The following VARS1 variants were observed in gnomAD, a reference collection of about 807,000 sequenced individuals.
VARS1 encodes valine--tRNA ligase.
VARS1 carries 92 observed loss-of-function variants against 161.0 expected under a neutral mutation model. The observed-to-expected ratio is 0.57, with a 90% confidence interval of 0.48 to 0.68. The LOEUF is 0.68. Among genes scored for constraint, VARS1 ranks in the 30% least tolerant of loss-of-function variants. The probability of loss-of-function intolerance (pLI) is 0.00; values close to 1 mark genes in which losing one functional copy is unlikely to be tolerated. For missense variants in VARS1, 1,338 were observed against 1,695.9 expected, an observed-to-expected ratio of 0.79 and a Z score of 3.71; for synonymous variants, 595 against 682.5, an observed-to-expected ratio of 0.87 and a Z score of 2.00.
chr6:31,778,522 T>G lies in VARS1; in HGVS notation c.3726+445A>C, dbSNP rs376909809. ...ATTGGTTTTTGTTTTGTTTTGTTTT[T>G]TTTCCAGACAGGGTCTTCTCTCTGT... On this transcript the variant is annotated intron_variant, in intron 29 of 29. Coordinates refer to ENST00000375663, the MANE Select transcript of VARS1 (RefSeq NM_006295.3). This position sits in a 1 kb window ranked among gnomAD's most constrained non-coding sequence, Gnocchi z 5.1. Among the ~76,000 whole-genome samples the G allele has an allele frequency of 9.2e-5, 14 of 152,140 alleles. No homozygotes were observed. The highest frequency in any genetic ancestry group is 1.8e-4 in the Non-Finnish European group (12 of 68,016).
Position 31,792,225 on chromosome 6 carries a change from TC to T in VARS1, c.862del (p.Glu288LysfsTer51). ...CTTCCCACTCCTAGTACCTTTCTTT[TC>T]CCCGGGTGGGGTTGGGAGGTCATAG... is the stretch of plus-strand genomic sequence containing the variant. ...ITYDLPTPPG[E>X]KKDVSGPMPD... On this transcript the variant is annotated frameshift_variant, in exon 6 of 30. Coordinates refer to ENST00000375663, the MANE Select transcript of VARS1 (RefSeq NM_006295.3). LOFTEE classifies it high-confidence loss of function. The T allele has an allele frequency of 1.9e-6, 3 of 1,613,778 alleles. No individual in the cohort carries two copies. Among genetic ancestry groups the T allele is most frequent in the Non-Finnish European group, 2.5e-6 (3 of 1,179,984 alleles).
intron 8 of VARS1, among the ~76,000 whole-genome samples, chr6:31,788,906 C>T (rs1349778632): frequency 6.6e-6 from 1 of 151,554 alleles, no homozygotes; most frequent in African/African-American, 2.4e-5. Context: ...ACATTATATT[C>T]CCAGTGCTCA....
In VARS1 at chr6:31,785,119, C is replaced by A; in HGVS notation, c.1347+127G>T. On this transcript the variant is annotated intron_variant, in intron 10 of 29. Coordinates refer to ENST00000375663, the MANE Select transcript of VARS1 (RefSeq NM_006295.3). This position sits in a 1 kb window ranked among gnomAD's most constrained non-coding sequence, Gnocchi z 6.1. The stretch of plus-strand genomic sequence containing the variant: ...GTGGGAAGTGGCATTTGCAGCTGAG[C>A]CCTCCATGGTGTTTTACATGGGCCA... 1 of 1,070,992 alleles carries A rather than the reference C, an allele frequency of 9.3e-7. No homozygotes were observed. The highest frequency in any genetic ancestry group is 1.4e-6 in the Non-Finnish European group (1 of 726,030). 66.3% of individuals were successfully genotyped at this position (1,070,992 alleles called of 1,614,324 possible). A position where few individuals can be genotyped will look rare whatever the true frequency, so the allele number is the denominator to read the frequency against.
Position 31,782,324 on chromosome 6 carries a change from G to A in VARS1, c.2111C>T (p.Ala704Val), listed in dbSNP as rs1394009242. ...TRGDLRILPE[A>V]HQRTWHAWMD... The stretch of plus-strand genomic sequence containing the variant: ...CCAGGCATGCCATGTGCGCTGATGG[G>A]CCTCAGGCAGGATGCGGAGGTCACC... Residue 704 changes from alanine to valine, a missense_variant, in exon 17 of 30, where the codon GCC becomes GTC. Coordinates refer to ENST00000375663, the MANE Select transcript of VARS1 (RefSeq NM_006295.3). This position sits in a 1 kb window ranked among gnomAD's most constrained non-coding sequence, Gnocchi z 8.3. 10 of 1,613,002 alleles carry A rather than the reference G, an allele frequency of 6.2e-6. No homozygotes were observed. Among genetic ancestry groups the A allele is most frequent in the Non-Finnish European group, 8.5e-6 (10 of 1,179,998 alleles).
chr6:31,781,902 C>T lies in VARS1; in HGVS notation c.2292G>A (p.Arg764=). ...CTCCGAACTCCTTGGCTGCCTTCTC[C>T]CGGGCCTCCGCCTCATTGCGTCCAC... is the stretch of plus-strand genomic sequence containing the variant. The part of the protein sequence containing the change: ...WVSGRNEAEA[R]EKAAKEFGVS... Residue 764 remains arginine (R), a synonymous_variant, in exon 19 of 30, where the codon CGG becomes CGA. Transcript: ENST00000375663. The surrounding 1 kb of genome is among the most constrained non-coding windows in gnomAD (Gnocchi z 6.8). 1 of 1,612,968 alleles carries T rather than the reference C, an allele frequency of 6.2e-7. No individual in the cohort carries two copies. The highest frequency in any genetic ancestry group is 8.5e-7 in the Non-Finnish European group (1 of 1,180,024).
Position 31,794,813 on chromosome 6 carries a change from T to C in VARS1, c.387+18A>G, listed in dbSNP as rs771620976. ...CTCTGAATTTCTCCCCTCCCCCTCT[T>C]CTGTACAACCCCCTCACCTGGGGGT... On this transcript the variant is annotated intron_variant, in intron 2 of 29. Transcript: ENST00000375663. 1 of 1,553,170 alleles carries C rather than the reference T, an allele frequency of 6.4e-7. No homozygotes were observed. The highest frequency in any genetic ancestry group is 8.7e-7 in the Non-Finnish European group (1 of 1,143,832).
rs761010898 is a variant in VARS1, at chr6:31,784,326, C to T, written c.1577-18G>A. 6.2e-7 allele frequency: 1 copy of T among 1,614,174 alleles called. No individual in the cohort carries two copies. Among genetic ancestry groups the T allele is most frequent in the South Asian group, 1.1e-5 (1 of 91,090 alleles). ...GTCGCTATCTGGGGTGACAGAAGGC[C>T]TTGTGGTCTTGGCCTTGGCCCCTTC... is the stretch of plus-strand genomic sequence containing the variant. On this transcript the variant is annotated intron_variant, in intron 12 of 29. Coordinates refer to ENST00000375663, the MANE Select transcript of VARS1 (RefSeq NM_006295.3). The surrounding 1 kb of genome is among the most constrained non-coding windows in gnomAD (Gnocchi z 6.1).
chr6:31,781,727 GC>G lies in VARS1; in HGVS notation c.2381del (p.Gly794AlafsTer17). ...AGCCCAAAATGGATAAGGGGAAGAG[GC>G]CAGAGGAGAACCAGGTATCCAATAC... ...EDVLDTWFSSGLFPLSILGWP... is the reference protein window; with the variant it reads ...EDVLDTWFSSXLFPLSILGWP... On this transcript the variant is annotated frameshift_variant, in exon 20 of 30. Transcript: ENST00000375663. LOFTEE classifies it high-confidence loss of function. The surrounding 1 kb of genome is among the most constrained non-coding windows in gnomAD (Gnocchi z 6.8). 1 of 1,613,032 alleles carries G rather than the reference GC, an allele frequency of 6.2e-7. No homozygotes were observed. The highest frequency in any genetic ancestry group is 1.1e-5 in the South Asian group (1 of 91,092).
Position 31,791,568 on chromosome 6 carries a change from C to T in VARS1, c.1100+42G>A. The T allele has an allele frequency of 2.5e-6, 4 of 1,574,844 alleles. No individual in the cohort carries two copies. Among genetic ancestry groups the T allele is most frequent in the Non-Finnish European group, 3.4e-6 (4 of 1,160,300 alleles). ...TGTCAGGGAAAAGGAGAGAGCCAGACTAGGCAGAGGGAACCAGAGGAAGGT... is the reference window on the plus strand; with the variant it reads ...TGTCAGGGAAAAGGAGAGAGCCAGATTAGGCAGAGGGAACCAGAGGAAGGT... On this transcript the variant is annotated intron_variant, in intron 8 of 29. Transcript: ENST00000375663. The surrounding 1 kb of genome is among the most constrained non-coding windows in gnomAD (Gnocchi z 5.0).
intron 4 of VARS1, 25 bp from the exon 5 acceptor site, chr6:31,792,541 A>G (rs1562313834): frequency 6.2e-7 from 1 of 1,613,518 alleles, no homozygotes; most frequent in Admixed American, 1.7e-5. Context: ...AGAAATTCAG[A>G]CTCAGCCAGC....
In VARS1 at chr6:31,778,764, C is replaced by T; in HGVS notation, c.3726+203G>A. The T allele has an allele frequency of 1.4e-6, 1 of 703,734 alleles. No individual in the cohort carries two copies. The highest frequency in any genetic ancestry group is 2.3e-6 in the Non-Finnish European group (1 of 435,752). The allele number at this position is 703,734 out of a possible 1,614,324, so 43.6% of individuals were successfully genotyped here. On this transcript the variant is annotated intron_variant, in intron 29 of 29. Coordinates refer to ENST00000375663, the MANE Select transcript of VARS1 (RefSeq NM_006295.3). This position sits in a 1 kb window ranked among gnomAD's most constrained non-coding sequence, Gnocchi z 5.1. Reference sequence around the variant, plus strand: ...TCAAGTGATCCACCCACCTTGGCCTCCCAAATTTCTGGGATTACAGGTGTG... The same window carrying T: ...TCAAGTGATCCACCCACCTTGGCCTTCCAAATTTCTGGGATTACAGGTGTG...
At position 31,779,230 on chromosome 6, in the gene VARS1, G is replaced by A. The variant is rs955659516; in HGVS notation, c.3463C>T (p.Gln1155Ter). Residue 1155 changes from glutamine (Q) to a stop codon, truncating the protein, a stop_gained, in exon 29 of 30, where the codon CAG becomes TAG. Coordinates refer to ENST00000375663, the MANE Select transcript of VARS1 (RefSeq NM_006295.3). LOFTEE classifies it high-confidence loss of function. The surrounding 1 kb of genome is among the most constrained non-coding windows in gnomAD (Gnocchi z 9.1). ...ALASAVSGYV[Q>*]ALASAGVVAV... ...ACCACACCTGCGCTGGCCAGGGCCT[G>A]CACGTAGCCCGACACCGCCGATGCC... 1.1e-5 allele frequency: 17 copies of A among 1,606,312 alleles called. No individual in the cohort carries two copies. Among genetic ancestry groups the A allele is most frequent in the Non-Finnish European group, 1.3e-5 (15 of 1,179,246 alleles).
intron 8 of VARS1, among the ~76,000 whole-genome samples, chr6:31,789,864 CA>C (rs1037217448): frequency 5.4e-5 from 8 of 147,596 alleles, no homozygotes; most frequent in Non-Finnish European, 6.0e-5. Flanking sequence ...ACTAAAAATA[CA>C]AAAAAAAAAT....
chr6:31,795,203 G>C lies in VARS1; in HGVS notation c.15C>G (p.Tyr5Ter). Residue 5 changes from tyrosine (Y) to a stop codon, truncating the protein, a stop_gained, in exon 2 of 30, where the codon TAC becomes TAG. Transcript: ENST00000375663. LOFTEE classifies it high-confidence loss of function. The surrounding 1 kb of genome is among the most constrained non-coding windows in gnomAD (Gnocchi z 6.9). ...GGAAGGCATCTGGGTGAGGGGAGAC[G>C]TAGAGGGTGGACATAGTTATGAGAA... MSTL[Y>*]VSPHPDAFPS... is the part of the protein sequence containing the mutation. 1 of 1,455,942 alleles carries C rather than the reference G, an allele frequency of 6.9e-7. No individual in the cohort carries two copies. The highest frequency in any genetic ancestry group is 9.1e-7 in the Non-Finnish European group (1 of 1,104,276). The allele number at this position is 1,455,942 out of a possible 1,614,324, so 90.2% of individuals were successfully genotyped here.
At chr6:31,783,625 T>A (rs1562300518) in intron 13 of VARS1, among the ~76,000 whole-genome samples, 1 of 151,228 alleles carries the variant, frequency 6.6e-6, no homozygotes. Flanking sequence ...GAGTTCAAGA[T>A]CAGCATGGTT....
At chr6:31,789,420 T>G (rs1252949943) in intron 8 of VARS1, among the ~76,000 whole-genome samples, 2 of 152,174 alleles carry the variant, frequency 1.3e-5, no homozygotes, top group Admixed American at 6.5e-5. Context: ...AGGTATTTTT[T>G]TGCCCATCAG....
In VARS1 at chr6:31,792,185, C is replaced by G. The variant is rs1554224218; in HGVS notation, c.871+32G>C. On this transcript the variant is annotated intron_variant, in intron 6 of 29. Coordinates refer to ENST00000375663, the MANE Select transcript of VARS1 (RefSeq NM_006295.3). ...TAGGGTGAAAACTTAGAAGGGGCTG[C>G]TGAGGGGTGAGCCCCTTCCCACTCC... is the stretch of plus-strand genomic sequence containing the variant. The G allele has an allele frequency of 3.6e-5, 58 of 1,607,062 alleles. No homozygotes were observed. In the South Asian group the frequency reaches 6.2e-4, roughly 17 times the overall value.
intron 13 of VARS1, 179 bp from the exon 14 acceptor site, chr6:31,783,365 C>T: frequency 1.6e-6 from 1 of 626,934 alleles, no homozygotes; most frequent in Non-Finnish European, 2.7e-6. Context: ...AAAAAATTAG[C>T]CAGGTGTGGT....
chr6:31,784,081 A>G lies in VARS1; in HGVS notation c.1671+133T>C, dbSNP rs1294037073. The G allele has an allele frequency of 2.1e-6, 2 of 970,434 alleles. No individual in the cohort carries two copies. Among genetic ancestry groups the G allele is most frequent in the Non-Finnish European group, 3.2e-6 (2 of 632,078 alleles). The allele number at this position is 970,434 out of a possible 1,614,324, so 60.1% of individuals were successfully genotyped here. A position where few individuals can be genotyped will look rare whatever the true frequency, so the allele number is the denominator to read the frequency against. ...CAATAGCTCTACCCTCAGAGCTGGGAAAGAAGCTGAAGACCAGTTTCTAAC... is the reference window on the plus strand; with the variant it reads ...CAATAGCTCTACCCTCAGAGCTGGGGAAGAAGCTGAAGACCAGTTTCTAAC... On this transcript the variant is annotated intron_variant, in intron 13 of 29. Transcript: ENST00000375663. The surrounding 1 kb of genome is among the most constrained non-coding windows in gnomAD (Gnocchi z 6.1).
Sources: gnomAD v4.1 joint callset for allele counts (sites outside exome capture counted in the v4.1 genomes callset) on GRCh38, gnomAD v4.1.1 for gene constraint, Gnocchi (gnomAD v3.1) non-coding constraint, MANE v1.5 for transcripts, NCBI Gene and HGNC (gene_info 2026-07-23, HGNC 2026-07-21) for gene names.